ARHGAP4: variants seen among roughly 807,000 people sequenced by gnomAD.
ARHGAP4 encodes Rho GTPase activating protein 4, also known as rho GTPase-activating protein 4.
A neutral mutation model predicts 67.6 loss-of-function variants in ARHGAP4; 25 were observed. The ratio of observed to expected loss-of-function variants is 0.37; its 90% CI spans 0.27 to 0.52. The LOEUF is 0.52. Ranked by LOEUF, ARHGAP4 falls within the 20% of genes least tolerant of loss-of-function variation. The pLI, the probability that ARHGAP4 is intolerant of heterozygous loss-of-function variation, is 0.92. For synonymous variants in ARHGAP4, 448 were observed against 373.7 expected (o/e 1.20, Z -2.29); for missense variants, 804 against 854.6 (o/e 0.94, Z 0.74).
chrX:153,921,334 C>T lies in ARHGAP4; in HGVS notation c.435+31G>A, dbSNP rs201478264. On this transcript the variant is annotated intron_variant, in intron 3 of 21. Coordinates refer to ENST00000350060, the MANE Select transcript of ARHGAP4 (RefSeq NM_001666.5). ...TGCCTCCTGATCCCAAAGCCTCGAACACTTCCCGTGGCCCAGGATGAGAGC... is the reference window on the plus strand; with the variant it reads ...TGCCTCCTGATCCCAAAGCCTCGAATACTTCCCGTGGCCCAGGATGAGAGC... The T allele has an allele frequency of 1.9e-4, 234 of 1,209,021 alleles. No individual in the cohort carries two copies. In the African/African-American group the frequency reaches 3.6e-3, roughly 19 times the overall value.
intron 11 of ARHGAP4, 77 bp from the exon 12 acceptor site, chrX:153,912,879 C>A (rs1043552883): frequency 9.0e-6 from 10 of 1,113,926 alleles, no homozygotes; most frequent in East Asian, 3.0e-5. Context: ...CCAGCCAAGC[C>A]GGCCTCTAAT....
chrX:153,922,483 C>A, intron 1 of ARHGAP4: 1 of 717,946 alleles, frequency 1.4e-6, no homozygotes, highest in Non-Finnish European at 1.6e-6. Flanking sequence ...CTGTGCATTC[C>A]CCCACCCTGC....
rs2065003567 is a variant in ARHGAP4, at chrX:153,909,799, C to T, written c.2356G>A (p.Gly786Arg). ...HERASSDWWRGEHNGMRGLIP... is the reference protein window; with the variant it reads ...HERASSDWWRREHNGMRGLIP... ...AGGCCCCGCATGCCGTTGTGCTCCC[C>T]CCGCCACCAGTCGCTCGAGGCCCTC... Residue 786 changes from glycine (G) to arginine (R), a missense_variant, in exon 19 of 22, where the codon GGG becomes AGG. By Grantham distance (125) the Gly-to-Arg change is moderately radical (BLOSUM62 -2). Transcript: ENST00000350060. 1 of 1,202,719 alleles carries T rather than the reference C, an allele frequency of 8.3e-7. No individual in the cohort carries two copies. The highest frequency in any genetic ancestry group is 1.1e-6 in the Non-Finnish European group (1 of 891,724).
chrX:153,919,385 C>T (rs2065076945), intron 5 of ARHGAP4, 102 bp from the exon 6 acceptor site: 1 of 1,185,205 alleles, frequency 8.4e-7, no homozygotes, highest in Admixed American at 2.2e-5. Context: ...CTGTGGACAA[C>T]TACACCTGAA....
chrX:153,910,866 G>A, intron 14 of ARHGAP4, 32 bp from the exon 15 acceptor site: 2 of 1,184,826 alleles, frequency 1.7e-6, no homozygotes, highest in South Asian at 3.8e-5. Flanking sequence ...GGTAGGGGGA[G>A]GAAGCTGGTG....
chrX:153,921,427 C>A lies in ARHGAP4; in HGVS notation c.373G>T (p.Ala125Ser). Residue 125 changes from alanine (A) to serine (S), a missense_variant, in exon 3 of 22, where the codon GCC becomes TCC. Ala to Ser is a moderately conservative substitution (Grantham distance 99, BLOSUM62 1). Coordinates refer to ENST00000350060, the MANE Select transcript of ARHGAP4 (RefSeq NM_001666.5). Reference sequence around the variant, plus strand: ...CTCAGGCGCTGGGCCAGGGGCCCGGCCAGCACCTCACTCAGGGCCGCGCTC... The same window carrying A: ...CTCAGGCGCTGGGCCAGGGGCCCGGACAGCACCTCACTCAGGGCCGCGCTC... ...RESAALSEVL[A>S]GPLAQRLSHI... 8.3e-7 allele frequency: 1 copy of A among 1,210,009 alleles called. No individual in the cohort carries two copies. Among genetic ancestry groups the A allele is most frequent in the East Asian group, 3.0e-5 (1 of 33,811 alleles).
At chrX:153,919,791 T>A (rs72616464) in intron 5 of ARHGAP4, 147,548 of 808,905 alleles carry the variant, frequency 0.18, 9,091 homozygotes, top group East Asian at 0.56. Flanking sequence ...ATTTTTTTTT[T>A]ATTTTTTTTT....
rs782162795 is a variant in ARHGAP4 at position 153,921,165 on chromosome X, G to A, written c.436-6C>T. 2.9e-5 allele frequency: 35 copies of A among 1,199,009 alleles called. No individual in the cohort carries two copies. Among genetic ancestry groups the A allele is most frequent in the South Asian group, 5.4e-5 (3 of 55,266 alleles). On this transcript the variant is annotated splice_polypyrimidine_tract_variant and splice_region_variant and intron_variant, in intron 3 of 21. Coordinates refer to ENST00000350060, the MANE Select transcript of ARHGAP4 (RefSeq NM_001666.5). ...TGCTGCTCCAGATCCCTGCTCTAGA[G>A]GCAGAGGCAAGGGTGAGCACGGCAC...
intron 4 of ARHGAP4, 104 bp downstream of exon 4, chrX:153,920,993 C>A (rs1444354022): frequency 1.9e-6 from 2 of 1,068,716 alleles, no homozygotes; most frequent in Non-Finnish European, 2.5e-6. Context: ...TCTCCCTGAG[C>A]CTGGCTTGGG....
intron 2 of ARHGAP4, 33 bp downstream of exon 2, chrX:153,921,572 C>G: frequency 2.5e-6 from 3 of 1,204,137 alleles, no homozygotes; most frequent in Non-Finnish European, 1.1e-6. Flanking sequence ...AGCTTGGGCC[C>G]TGCCGTGGCC....
Position 153,907,962 on chromosome X carries a change from C to G in ARHGAP4, c.2608G>C (p.Ala870Pro). Residue 870 changes from alanine to proline, a missense_variant and splice_region_variant, in exon 22 of 22, where the codon GCT becomes CCT. Ala to Pro is a conservative substitution (Grantham distance 27, BLOSUM62 -1). Around this residue, in one of 2 missense-constraint regions of ARHGAP4, gnomAD observed 400 missense variants for 348.7 expected, o/e 1.15. Coordinates refer to ENST00000350060, the MANE Select transcript of ARHGAP4 (RefSeq NM_001666.5). ...SPEQHVEVDK[A>P]VAQNMDSVFK... The stretch of plus-strand genomic sequence containing the variant: ...ACAGAGTCCATGTTCTGTGCCACAG[C>G]CTAGCGGAGGGGAAAGAAAGGGAGA... The G allele has an allele frequency of 8.8e-6, 10 of 1,137,790 alleles. No homozygotes were observed. Among genetic ancestry groups the G allele is most frequent in the Non-Finnish European group, 1.2e-5 (10 of 859,334 alleles). 93.8% of individuals were successfully genotyped at this position (1,137,790 alleles called of 1,213,427 possible).
Position 153,920,674 on chromosome X carries a change from C to T in ARHGAP4, c.633G>A (p.Gly211=). ...PTTTAGATEA[G]PLRKSSLKKG... ...TCTTGAGGGAGCTCTTGCGGAGGGG[C>T]CCTGCCTCAGTGGCACCAGCGGTGG... The change falls in exon 5 of 22, where the codon GGG becomes GGA. Residue 211 remains glycine (G), a synonymous_variant. Transcript: ENST00000350060. The T allele has an allele frequency of 8.3e-7, 1 of 1,211,462 alleles. No homozygotes were observed. Among genetic ancestry groups the T allele is most frequent in the Non-Finnish European group, 1.1e-6 (1 of 895,352 alleles).
Position 153,909,932 on chromosome X carries a change from G to A in ARHGAP4, c.2231-8C>T. ...CCACGACCCCCTCCAGGTCTGGGGA[G>A]GAGAGGGGGTCCAAGCTGTGGGAGG... is the stretch of plus-strand genomic sequence containing the variant. On this transcript the variant is annotated splice_polypyrimidine_tract_variant and splice_region_variant and intron_variant, in intron 18 of 21. Coordinates refer to ENST00000350060, the MANE Select transcript of ARHGAP4 (RefSeq NM_001666.5). 5.0e-6 allele frequency: 6 copies of A among 1,208,282 alleles called. No individual in the cohort carries two copies. The highest frequency in any genetic ancestry group is 6.7e-6 in the Non-Finnish European group (6 of 893,979).
Position 153,919,494 on chromosome X carries a change from C to T in ARHGAP4, c.682-211G>A, listed in dbSNP as rs920223351. 14 of 1,124,085 alleles carry T rather than the reference C, an allele frequency of 1.2e-5. No homozygotes were observed. In the South Asian group the frequency reaches 2.1e-4, roughly 17 times the overall value. The allele number at this position is 1,124,085 out of a possible 1,213,427, so 92.6% of individuals were successfully genotyped here. A position where few individuals can be genotyped will look rare whatever the true frequency, so the allele number is the denominator to read the frequency against. On this transcript the variant is annotated intron_variant, in intron 5 of 21. Coordinates refer to ENST00000350060, the MANE Select transcript of ARHGAP4 (RefSeq NM_001666.5). ...TGACTTGATTCCCCGGCTGTTCACC[C>T]GCCACTTGCCTTGGTTCGAGCCACA... is the stretch of plus-strand genomic sequence containing the variant.
At chrX:153,914,650 TGGAG>T (rs2065043203) in intron 7 of ARHGAP4, among the ~76,000 whole-genome samples, 1 of 112,195 alleles carries the variant, frequency 8.9e-6, no homozygotes. Flanking sequence ...TGAGCCAAGA[TGGAG>T]CCATTGCACT....
At chrX:153,914,622 G>A (rs1480469322) in intron 7 of ARHGAP4, among the ~76,000 whole-genome samples, 5 of 112,176 alleles carry the variant, frequency 4.5e-5, no homozygotes, top group African/African-American at 1.3e-4. Flanking sequence ...GCTTGAACCC[G>A]GGAGGCGGAG....
At chrX:153,925,681 G>A (rs2065121361) in intron 1 of ARHGAP4, among the ~76,000 whole-genome samples, 1 of 112,170 alleles carries the variant, frequency 8.9e-6, no homozygotes, top group African/African-American at 3.2e-5. Flanking sequence ...GAGGCAAAAG[G>A]TGCTGAAGCT....
At position 153,926,176 on chromosome X, in the gene ARHGAP4, C is replaced by T; in HGVS notation, c.27G>A (p.Arg9=). Residue 9 remains arginine, a synonymous_variant, in exon 1 of 22, where the codon CGG becomes CGA. Coordinates refer to ENST00000350060, the MANE Select transcript of ARHGAP4 (RefSeq NM_001666.5). MAAHGKLR[R]ERGLQAEYET... ...CATACTCAGCCTGCAGCCCCCGCTC[C>T]CGCCGCAGCTTCCCGTGAGCGGCCA... is the stretch of plus-strand genomic sequence containing the variant. 8.3e-7 allele frequency: 1 copy of T among 1,204,065 alleles called. No individual in the cohort carries two copies. Among genetic ancestry groups the T allele is most frequent in the Non-Finnish European group, 1.1e-6 (1 of 891,870 alleles).
At chrX:153,922,180 C>T (rs2065100231) in intron 1 of ARHGAP4, 1 of 869,874 alleles carries the variant, frequency 1.1e-6, no homozygotes, top group Non-Finnish European at 1.4e-6. Context: ...GAATGGTTTC[C>T]CCTGCGACTT....
Sources: gnomAD v4.1 joint callset for allele counts (sites outside exome capture counted in the v4.1 genomes callset) on GRCh38, gnomAD v4.1.1 for gene constraint, gnomAD v4.1.1 regional missense constraint, MANE v1.5 for transcripts, NCBI Gene and HGNC (gene_info 2026-07-23, HGNC 2026-07-21) for gene names.